POM121: variants seen among roughly 807,000 people sequenced by gnomAD.
POM121 encodes nuclear envelope pore membrane protein POM 121.
Under a neutral mutation model 81.3 loss-of-function variants are expected in POM121, and 32 were observed. The ratio of observed to expected loss-of-function variants is 0.39; its 90% CI spans 0.30 to 0.53. POM121 has a LOEUF of 0.53. Ranked by LOEUF, POM121 falls within the 20% of genes least tolerant of loss-of-function variation. The pLI, the probability that POM121 is intolerant of heterozygous loss-of-function variation, is 0.66. For synonymous variants in POM121, 514 were observed against 694.2 expected (o/e 0.74, Z 4.08); for missense variants, 1,138 against 1,614.6 (o/e 0.70, Z 5.06).
intron 3 of POM121, among the ~76,000 whole-genome samples, chr7:72,900,751 G>A (rs28876715): frequency 2.0e-5 from 3 of 152,086 alleles, no homozygotes; most frequent in African/African-American, 7.2e-5. Flanking sequence ...AGATCTGCCT[G>A]CCTCAGCCTC....
At chr7:72,886,181 T>C (rs1365312453) in intron 1 of POM121, among the ~76,000 whole-genome samples, 7 of 151,684 alleles carry the variant, frequency 4.6e-5, no homozygotes, top group South Asian at 2.1e-4. Flanking sequence ...ATTTATTTAT[T>C]TATTTATTTT....
At chr7:72,888,641 CCTGA>C (rs1790975247) in intron 1 of POM121, among the ~76,000 whole-genome samples, 1 of 151,442 alleles carries the variant, frequency 6.6e-6, no homozygotes, top group East Asian at 1.9e-4. Flanking sequence ...TAAGTAAAAT[CCTGA>C]CTTTCGGACC....
chr7:72,928,359 A>AT lies in POM121; in HGVS notation c.1023-24dup, dbSNP rs1554497947. 2.2e-5 allele frequency: 35 copies of AT among 1,613,994 alleles called. 2 individuals are homozygous for AT. The South Asian group carries it at 3.7e-4, about 17-fold the overall frequency. On this transcript the variant is annotated intron_variant, in intron 3 of 12. Coordinates refer to ENST00000434423, the MANE Select transcript of POM121 (RefSeq NM_001387691.1). The stretch of plus-strand genomic sequence containing the variant: ...GGGACAAAAAAAGTCATGTCATTTC[A>AT]TTGAGACTTTTTTGATTTGTCGCAG...
Position 72,934,420 on chromosome 7 carries a change from G to A in POM121, c.1276-4170G>A, listed in dbSNP as rs1226845172. Among the ~76,000 whole-genome samples the A allele has an allele frequency of 3.3e-5, 5 of 152,110 alleles. No individual in the cohort carries two copies. In the East Asian group the frequency reaches 5.8e-4, roughly 18 times the overall value. The stretch of plus-strand genomic sequence containing the variant: ...GTCTTTTTCTTAGAGATTTGAATAC[G>A]CTCTTTATATGTTCTAGATACAAGC... On this transcript the variant is annotated intron_variant, in intron 5 of 12. Transcript: ENST00000434423.
intron 1 of POM121, among the ~76,000 whole-genome samples, chr7:72,888,533 T>G (rs1389323581): frequency 6.6e-6 from 1 of 152,184 alleles, no homozygotes; most frequent in Non-Finnish European, 1.5e-5. Context: ...CTTAGTTATA[T>G]TCCTCTAATT....
intron 3 of POM121, chr7:72,891,207 A>G: frequency 1.8e-6 from 1 of 556,000 alleles, no homozygotes; most frequent in South Asian, 1.9e-5. Context: ...CCTCAGTAAC[A>G]CCTCCCAACC....
At chr7:72,882,566 C>G (rs1315809270) in intron 1 of POM121, among the ~76,000 whole-genome samples, 1 of 152,096 alleles carries the variant, frequency 6.6e-6, no homozygotes, top group East Asian at 1.9e-4. Flanking sequence ...AAGCAGAGGG[C>G]CTGCTGCCCA....
rs1797314319 is a variant in POM121, at chr7:72,943,280, C to T, written c.3287C>T (p.Pro1096Leu). ...SSVFGSTTPS[P>L]FTFGGSAAPA... ...GTGTTTGGCAGCACAACACCATCAC[C>T]CTTCACGTTTGGGGGTTCGGCAGCC... Residue 1096 changes from proline to leucine, a missense_variant, in exon 11 of 13, where the codon CCC becomes CTC. Pro to Leu is a moderately conservative substitution (Grantham distance 98). Transcript: ENST00000434423. 4 of 1,609,986 alleles carry T rather than the reference C, an allele frequency of 2.5e-6. No individual in the cohort carries two copies. The highest frequency in any genetic ancestry group is 1.3e-5 in the African/African-American group (1 of 74,946).
intron 3 of POM121, among the ~76,000 whole-genome samples, chr7:72,899,568 A>G (rs1554492288): frequency 6.7e-6 from 1 of 149,274 alleles, no homozygotes; most frequent in South Asian, 2.1e-4. Context: ...TGCCTGCTTG[A>G]TATTACATTT....
chr7:72,881,961 A>C (rs1379470227), intron 1 of POM121, among the ~76,000 whole-genome samples: 4 of 152,202 alleles, frequency 2.6e-5, no homozygotes, highest in Admixed American at 1.3e-4. Flanking sequence ...GGAAAGTGGA[A>C]ATAGACATTA....
chr7:72,884,056 C>G (rs1202155657), intron 1 of POM121, among the ~76,000 whole-genome samples: 4 of 152,088 alleles, frequency 2.6e-5, no homozygotes, highest in Non-Finnish European at 5.9e-5. Context: ...TAGTCATATG[C>G]CACAATGCCC....
intron 4 of POM121, 46 bp downstream of exon 4, chr7:72,928,511 G>C: frequency 6.3e-7 from 1 of 1,589,290 alleles, no homozygotes; most frequent in Admixed American, 1.7e-5. Flanking sequence ...TTTGGAAAAA[G>C]GCCTGATCAG....
chr7:72,890,867 A>G, intron 2 of POM121: 3 of 1,267,766 alleles, frequency 2.4e-6, no homozygotes, highest in Non-Finnish European at 3.4e-6. Context: ...TGCAGTGTTT[A>G]TATTATTCTT....
chr7:72,917,744 GAA>G lies in POM121; in HGVS notation c.-152+3918_-152+3919del, dbSNP rs1554495323. On this transcript the variant is annotated intron_variant, in intron 4 of 15. Coordinates refer to the POM121 transcript ENST00000395270. ...GTGCAGCGATGAGAGAGTGTAGAAA[GAA>G]AGACACAAGACAAAGAGATAAAAGA... 4.6e-5 allele frequency among the ~76,000 whole-genome samples: 7 copies of G among 152,324 alleles called. No individual in the cohort carries two copies. The South Asian group carries it at 1.5e-3, about 32-fold the overall frequency.
chr7:72,910,741 G>A (rs771272150), intron 3 of POM121, among the ~76,000 whole-genome samples: 21 of 151,960 alleles, frequency 1.4e-4, no homozygotes, highest in Non-Finnish European at 2.4e-4. Flanking sequence ...GCACTGTCCC[G>A]CAGGGCCGCC....
At chr7:72,914,559 A>C (rs2129576597) in intron 4 of POM121, among the ~76,000 whole-genome samples, 1 of 148,362 alleles carries the variant, frequency 6.7e-6, no homozygotes, top group Admixed American at 6.7e-5. Context: ...CTCGCTGTAG[A>C]GATAGGGTCT....
At position 72,943,625 on chromosome 7, in the gene POM121, G is replaced by A. The variant is rs1265363534; in HGVS notation, c.3529+103G>A. 22 of 1,487,390 alleles carry A rather than the reference G, an allele frequency of 1.5e-5. No homozygotes were observed. The Admixed American group carries it at 5.0e-4, about 34-fold the overall frequency. 92.1% of individuals were successfully genotyped at this position (1,487,390 alleles called of 1,614,324 possible). On this transcript the variant is annotated intron_variant, in intron 11 of 12. Transcript: ENST00000434423. ...CTTATGCTGTGGCAGTGAAGAGACA[G>A]GCACTGAATATAGAACTCAGTGAGA...
At chr7:72,933,379 T>G (rs1278580267) in intron 5 of POM121, among the ~76,000 whole-genome samples, 1 of 152,128 alleles carries the variant, frequency 6.6e-6, no homozygotes, top group Non-Finnish European at 1.5e-5. Context: ...CTAATTTTTG[T>G]CTCTTATGAG....
intron 5 of POM121, among the ~76,000 whole-genome samples, chr7:72,934,115 C>T (rs761895274): frequency 6.6e-6 from 1 of 151,632 alleles, no homozygotes; most frequent in Non-Finnish European, 1.5e-5. Flanking sequence ...GACAGAGTCT[C>T]GCACTGTCGC....
Sources: allele counts gnomAD v4.1 joint callset (sites outside exome capture counted in the v4.1 genomes callset), GRCh38; gene constraint gnomAD v4.1.1; transcripts MANE v1.5; gene names NCBI Gene and HGNC (gene_info 2026-07-23, HGNC 2026-07-21).